The following IQCJ variants were observed in gnomAD, a reference collection of about 807,000 sequenced individuals.
The protein encoded by IQCJ is IQ motif containing J.
In IQCJ, 9 loss-of-function variants were observed where a neutral mutation model predicts 11.0. The observed-to-expected ratio is 0.82, with a 90% CI of 0.49 to 1.43. The LOEUF is 1.43. Ranked by LOEUF, IQCJ falls within the 40% of genes most tolerant of loss-of-function variation. The probability of loss-of-function intolerance (pLI) is 0.00; values close to 1 mark genes in which losing one functional copy is unlikely to be tolerated. For synonymous variants in IQCJ, 55 were observed against 51.3 expected (o/e 1.07, Z -0.31); for missense variants, 146 against 133.2 (o/e 1.10, Z -0.47).
intron 1 of IQCJ, among the ~76,000 whole-genome samples, chr3:159,143,826 A>G (rs1488796671): frequency 6.6e-6 from 1 of 152,222 alleles, no homozygotes; most frequent in Non-Finnish European, 1.5e-5. Flanking sequence ...TTTATAAAGA[A>G]CAGAAATTTA....
chr3:159,177,856 G>A (rs1268793323), intron 1 of IQCJ, among the ~76,000 whole-genome samples: 1 of 152,134 alleles, frequency 6.6e-6, no homozygotes, highest in East Asian at 1.9e-4. Context: ...ATTTATACAA[G>A]TAATAGGATT....
chr3:159,236,657 C>A (rs1338016807), intron 1 of IQCJ, among the ~76,000 whole-genome samples: 1 of 152,156 alleles, frequency 6.6e-6, no homozygotes, highest in African/African-American at 2.4e-5. Flanking sequence ...GGTCCGAGGG[C>A]AAAGCATCAG....
intron 2 of IQCJ, 25 bp downstream of exon 2, chr3:159,245,932 TC>T: frequency 6.7e-7 from 1 of 1,493,534 alleles, no homozygotes; most frequent in Non-Finnish European, 9.1e-7. Flanking sequence ...TTAAGTTAAA[TC>T]ATCTGCAAGG....
chr3:159,163,808 C>T (rs564512835), intron 1 of IQCJ, among the ~76,000 whole-genome samples: 2 of 152,276 alleles, frequency 1.3e-5, no homozygotes, highest in South Asian at 4.1e-4. Context: ...CAGAACCATA[C>T]TGGAGGTTGG....
intron 1 of IQCJ, among the ~76,000 whole-genome samples, chr3:159,131,933 T>C (rs1193201907): frequency 1.4e-5 from 2 of 145,764 alleles, no homozygotes; most frequent in Non-Finnish European, 3.0e-5. Context: ...TCAAATCCAC[T>C]CTTTTACATT....
chr3:159,229,583 T>G (rs1022985866), intron 1 of IQCJ, among the ~76,000 whole-genome samples: 1 of 151,514 alleles, frequency 6.6e-6, no homozygotes, highest in Non-Finnish European at 1.5e-5. Context: ...AATGGAACAA[T>G]GATTAAATGA....
At chr3:159,215,422 T>C (rs546827436) in intron 1 of IQCJ, among the ~76,000 whole-genome samples, 1 of 152,168 alleles carries the variant, frequency 6.6e-6, no homozygotes, top group Non-Finnish European at 1.5e-5. Flanking sequence ...GCTTAAAATA[T>C]TGAAATGCCA....
At chr3:159,069,843 TTGTGTGTGTGTGTG>T (rs34425057) in intron 1 of IQCJ, 245 of 300,572 alleles carry the variant, frequency 8.2e-4, no homozygotes, top group South Asian at 3.5e-3. Flanking sequence ...CCCTCCTTTC[TTGTGTGTGTGTGTG>T]TGTGTGTGTG....
intron 2 of IQCJ, among the ~76,000 whole-genome samples, chr3:159,251,518 G>T (rs967758500): frequency 2.0e-5 from 3 of 151,556 alleles, no homozygotes; most frequent in Admixed American, 6.6e-5. Flanking sequence ...AAATAAATTT[G>T]GTGGGTCACC....
chr3:159,075,557 A>C (rs961812477), intron 1 of IQCJ, among the ~76,000 whole-genome samples: 1 of 152,072 alleles, frequency 6.6e-6, no homozygotes, highest in Non-Finnish European at 1.5e-5. Flanking sequence ...CAGAGCATAG[A>C]GCTATCGTAA....
At chr3:159,260,310 T>C (rs1005662586) in intron 3 of IQCJ, among the ~76,000 whole-genome samples, 1 of 152,194 alleles carries the variant, frequency 6.6e-6, no homozygotes, top group African/African-American at 2.4e-5. Context: ...ATATTTTGTT[T>C]TTGTATGTTC....
intron 1 of IQCJ, among the ~76,000 whole-genome samples, chr3:159,146,508 C>T (rs1388344955): frequency 6.6e-6 from 1 of 152,098 alleles, no homozygotes; most frequent in African/African-American, 2.4e-5. Context: ...TCTTTTAACC[C>T]TGTCTTTACA....
chr3:159,137,144 C>A lies in IQCJ; in HGVS notation c.9+67703C>A, dbSNP rs1577032742. Among the ~76,000 whole-genome samples the A allele has an allele frequency of 2.0e-5, 3 of 151,994 alleles. No individual in the cohort carries two copies. In the South Asian group the frequency reaches 6.2e-4, roughly 32 times the overall value. ...GGATGCAGTGGTGGGCACCTGTAAT[C>A]CCAGCTACTCGGGAGGCTGGGGCAG... On this transcript the variant is annotated intron_variant, in intron 1 of 3. Transcript: ENST00000397832.
intron 1 of IQCJ, among the ~76,000 whole-genome samples, chr3:159,200,122 A>ATAT (rs1724241732): frequency 1.1e-5 from 1 of 93,720 alleles, no homozygotes; most frequent in Non-Finnish European, 2.0e-5. Context: ...TATATATATC[A>ATAT]CTTTGAACAA....
Position 159,164,939 on chromosome 3 carries a change from G to A in IQCJ, c.10-80904G>A, listed in dbSNP as rs148650304. 2.8e-3 allele frequency among the ~76,000 whole-genome samples: 425 copies of A among 152,200 alleles called. 1 individual carries two copies. Among genetic ancestry groups the A allele is most frequent in the African/African-American group, 9.8e-3 (406 of 41,518 alleles). ...CTCACATTTCATTCTTGACTTCATG[G>A]TCTAATGTGGCTGCTAGAGCTCCAT... On this transcript the variant is annotated intron_variant, in intron 1 of 3. Coordinates refer to ENST00000397832, the MANE Select transcript of IQCJ (RefSeq NM_001042706.3).
In IQCJ at chr3:159,245,839, A is replaced by C. The variant is rs960824699; in HGVS notation, c.10-4A>C. On this transcript the variant is annotated splice_region_variant and splice_polypyrimidine_tract_variant and intron_variant, in intron 1 of 3. Coordinates refer to ENST00000397832, the MANE Select transcript of IQCJ (RefSeq NM_001042706.3). ...TTGTAAGATATATCTTCTCTTTTTCACAGGAAGAACTGAAAAGATTGCAGA... is the reference window on the plus strand; with the variant it reads ...TTGTAAGATATATCTTCTCTTTTTCCCAGGAAGAACTGAAAAGATTGCAGA... The C allele has an allele frequency of 8.4e-6, 13 of 1,543,706 alleles. No homozygotes were observed. In the African/African-American group the frequency reaches 1.8e-4, roughly 21 times the overall value.
chr3:159,181,852 T>C (rs1723107226), intron 1 of IQCJ, among the ~76,000 whole-genome samples: 1 of 151,850 alleles, frequency 6.6e-6, no homozygotes. Context: ...TCCAAACTGA[T>C]GTTCCTTACT....
intron 3 of IQCJ, among the ~76,000 whole-genome samples, chr3:159,256,948 A>G (rs1302790549): frequency 6.6e-6 from 1 of 152,202 alleles, no homozygotes; most frequent in Non-Finnish European, 1.5e-5. Context: ...CAAAGAAGTT[A>G]TTCTTACTCC....
intron 1 of IQCJ, among the ~76,000 whole-genome samples, chr3:159,218,485 A>G (rs993408884): frequency 1.3e-5 from 2 of 152,144 alleles, no homozygotes; most frequent in African/African-American, 2.4e-5. Context: ...ATGTAAAAAT[A>G]CTACAATACT....
Sources: allele counts gnomAD v4.1 joint callset (sites outside exome capture counted in the v4.1 genomes callset), GRCh38; gene constraint gnomAD v4.1.1; transcripts MANE v1.5; gene names NCBI Gene and HGNC (gene_info 2026-07-23, HGNC 2026-07-21).